DLC1: variants seen among roughly 807,000 people sequenced by gnomAD.
DLC1 encodes DLC1 Rho GTPase activating protein.
In DLC1, 54 loss-of-function variants were observed where a neutral mutation model predicts 140.3. The ratio of observed to expected loss-of-function variants is 0.38; its 90% CI spans 0.31 to 0.48. DLC1 has a LOEUF of 0.48. Ranked by LOEUF, DLC1 falls within the 20% of genes least tolerant of loss-of-function variation. DLC1 has a pLI of 0.96. For missense variants in DLC1, 2,536 were observed against 1,907.0 expected (o/e 1.33, Z -6.14); for synonymous variants, 986 against 728.1 (o/e 1.35, Z -5.70).
chr8:13,497,378 CTA>C (rs1368539378), intron 2 of DLC1, among the ~76,000 whole-genome samples: 4 of 152,144 alleles, frequency 2.6e-5, no homozygotes, highest in African/African-American at 9.7e-5. Flanking sequence ...TTCATTTAAT[CTA>C]TTTATTAGAA....
chr8:13,086,900 C>T (rs571075545), intron 16 of DLC1, among the ~76,000 whole-genome samples: 3 of 152,094 alleles, frequency 2.0e-5, no homozygotes. Context: ...TGGTGTGCTC[C>T]TGTAGTCTCA....
rs538724333 is a variant in DLC1 at position 13,217,787 on chromosome 8, G to A, written c.1348+87482C>T. Among the ~76,000 whole-genome samples the A allele has an allele frequency of 5.3e-5, 8 of 151,652 alleles. No homozygotes were observed. In the East Asian group the frequency reaches 1.2e-3, roughly 22 times the overall value. ...TGGGAGGCAGAGATTGCGGTGAGCCGAGATCACGCCACTGCACGCCGGCCT... is the reference window on the plus strand; with the variant it reads ...TGGGAGGCAGAGATTGCGGTGAGCCAAGATCACGCCACTGCACGCCGGCCT... On this transcript the variant is annotated intron_variant, in intron 5 of 17. Transcript: ENST00000276297.
At position 13,094,937 on chromosome 8, in the gene DLC1, C is replaced by T. The variant is rs369458493; in HGVS notation, c.3348G>A (p.Ser1116=). Residue 1116 remains serine, a synonymous_variant, in exon 12 of 18, where the codon TCG becomes TCA. Transcript: ENST00000276297. Reference sequence around the variant, plus strand: ...GAGCCTGAATCCGGGACTTGACCCCCGATTTTCTGAAGAGCCCAACCTGTC... The same window carrying T: ...GAGCCTGAATCCGGGACTTGACCCCTGATTTTCTGAAGAGCCCAACCTGTC... The part of the protein sequence containing the change: ...CLDQVGLFRK[S]GVKSRIQALR... The T allele has an allele frequency of 2.8e-5, 45 of 1,614,014 alleles. No homozygotes were observed. Among genetic ancestry groups the T allele is most frequent in the African/African-American group, 8.0e-5 (6 of 74,920 alleles).
chr8:13,363,541 A>G (rs1188601165), intron 4 of DLC1, among the ~76,000 whole-genome samples: 2 of 152,138 alleles, frequency 1.3e-5, no homozygotes, highest in East Asian at 1.9e-4. Flanking sequence ...TGTTCTGTCT[A>G]TTACACAGAA....
rs5889447 is a variant in DLC1 at position 13,510,171 on chromosome 8, CTTT to C, written c.-126+4428_-126+4430del. ...GAGTGAAACACAATTATTCTTTATT[CTTT>C]TTTTTTTTTTTTTTCCTGAGATGAA... On this transcript the variant is annotated intron_variant, in intron 1 of 17. Coordinates refer to ENST00000276297, the MANE Select transcript of DLC1 (RefSeq NM_182643.3). 7.3e-3 allele frequency among the ~76,000 whole-genome samples: 976 copies of C among 133,022 alleles called. 13 individuals carry two copies. The highest frequency in any genetic ancestry group is 0.025 in the African/African-American group (928 of 36,504). The allele number at this position is 133,022 out of a possible 152,430, so 87.3% of individuals were successfully genotyped here.
At chr8:13,301,154 C>T (rs560441659) in intron 5 of DLC1, among the ~76,000 whole-genome samples, 1 of 151,848 alleles carries the variant, frequency 6.6e-6, no homozygotes, top group Admixed American at 6.6e-5. Context: ...ATAAACATTT[C>T]TCTGAAACTA....
intron 1 of DLC1, chr8:13,583,922 C>T (rs1430027485): frequency 2.0e-5 from 3 of 152,280 alleles, no homozygotes; most frequent in Non-Finnish European, 2.9e-5. Context: ...CACTGGATGA[C>T]ATCCTGGACA....
At chr8:13,454,811 C>T (rs1799314149) in intron 2 of DLC1, among the ~76,000 whole-genome samples, 1 of 152,194 alleles carries the variant, frequency 6.6e-6, no homozygotes, top group Admixed American at 6.5e-5. Context: ...GCTTTGGCCT[C>T]TCAAAGCACT....
intron 2 of DLC1, among the ~76,000 whole-genome samples, chr8:13,455,113 C>T (rs1472998801): frequency 6.6e-6 from 1 of 152,086 alleles, no homozygotes; most frequent in Non-Finnish European, 1.5e-5. Context: ...TTGTTCATAA[C>T]TCACACTTTT....
At chr8:13,547,781 C>G (rs951512223) in intron 1 of DLC1, among the ~76,000 whole-genome samples, 2 of 152,044 alleles carry the variant, frequency 1.3e-5, no homozygotes, top group Non-Finnish European at 2.9e-5. Flanking sequence ...TCTTTCTAAT[C>G]TCTTCTCCCA....
chr8:13,110,561 G>T (rs553259003), intron 7 of DLC1, among the ~76,000 whole-genome samples, 181 bp downstream of exon 7: 1 of 152,236 alleles, frequency 6.6e-6, no homozygotes, highest in South Asian at 2.1e-4. Flanking sequence ...TATTTTAATG[G>T]CAATACTAAA....
intron 8 of DLC1, 132 bp downstream of exon 8, chr8:13,102,658 T>A (rs1321684326): frequency 1.5e-5 from 12 of 782,568 alleles, no homozygotes; most frequent in Non-Finnish European, 2.6e-5. Flanking sequence ...CTAGGCGATA[T>A]CATTCAAGAT....
At chr8:13,283,660 G>A (rs1462922962) in intron 5 of DLC1, among the ~76,000 whole-genome samples, 1 of 152,066 alleles carries the variant, frequency 6.6e-6, no homozygotes. Context: ...GACTACAGGC[G>A]CACACCACTA....
chr8:13,251,004 T>G (rs914875349), intron 5 of DLC1, among the ~76,000 whole-genome samples: 1 of 152,204 alleles, frequency 6.6e-6, no homozygotes, highest in Non-Finnish European at 1.5e-5. Flanking sequence ...CAGTGGTTTT[T>G]TCACAGTGCT....
In DLC1 at chr8:13,592,670, G is replaced by C. The variant is rs539140563; in HGVS notation, c.-126+11867C>G. On this transcript the variant is annotated intron_variant, in intron 1 of 1. Coordinates refer to the DLC1 transcript ENST00000631382. ...CCTGCCAAGGTTTCCCCAGTAAGAGGATTTCCAGTGTTTGGTATTATGAGT... is the reference window on the plus strand; with the variant it reads ...CCTGCCAAGGTTTCCCCAGTAAGAGCATTTCCAGTGTTTGGTATTATGAGT... Among the ~76,000 whole-genome samples, 4 of 152,168 alleles carry C rather than the reference G, an allele frequency of 2.6e-5. 1 individual carries two copies. Among genetic ancestry groups the C allele is most frequent in the Middle Eastern group, 6.8e-3 (2 of 294 alleles).
intron 2 of DLC1, among the ~76,000 whole-genome samples, chr8:13,494,266 A>G (rs991825401): frequency 2.0e-5 from 3 of 152,226 alleles, no homozygotes; most frequent in African/African-American, 7.2e-5. Flanking sequence ...TTATCTCTCA[A>G]TATAAATTGT....
chr8:13,220,484 C>A (rs998835936), intron 5 of DLC1, among the ~76,000 whole-genome samples: 4 of 152,090 alleles, frequency 2.6e-5, no homozygotes, highest in African/African-American at 9.7e-5. Context: ...ATATTTTCAG[C>A]AGAGACCAAA....
At chr8:13,106,321 C>T (rs1158658961) in intron 7 of DLC1, among the ~76,000 whole-genome samples, 2 of 152,208 alleles carry the variant, frequency 1.3e-5, no homozygotes, top group African/African-American at 2.4e-5. Context: ...TTCTTGGAAT[C>T]TGTGCAATTG....
chr8:13,377,628 T>A (rs550578846), intron 4 of DLC1, among the ~76,000 whole-genome samples: 3 of 152,190 alleles, frequency 2.0e-5, no homozygotes, highest in Non-Finnish European at 4.4e-5. Flanking sequence ...GTGCATTTAC[T>A]GTGCGATACA....
Sources: allele counts gnomAD v4.1 joint callset (sites outside exome capture counted in the v4.1 genomes callset), GRCh38; gene constraint gnomAD v4.1.1; transcripts MANE v1.5; gene names NCBI Gene and HGNC (gene_info 2026-07-23, HGNC 2026-07-21).